EXOC4: variants seen among roughly 807,000 people sequenced by gnomAD.
EXOC4 encodes SEC8-like 1.
Under a neutral mutation model 107.2 loss-of-function variants are expected in EXOC4, and 71 were observed. The observed-to-expected ratio is 0.66, with a 90% CI of 0.55 to 0.81. EXOC4 has a LOEUF of 0.81. EXOC4 is among the 30% of genes least tolerant of loss of function. EXOC4 has a pLI of 0.00. For synonymous variants in EXOC4, 456 were observed against 441.2 expected (o/e 1.03, Z -0.42); for missense variants, 1,108 against 1,189.6 (o/e 0.93, Z 1.01).
At chr7:133,376,629 A>G (rs938927484) in intron 7 of EXOC4, among the ~76,000 whole-genome samples, 1 of 152,232 alleles carries the variant, frequency 6.6e-6, no homozygotes, top group Admixed American at 6.5e-5. Flanking sequence ...TGTGTACACC[A>G]CAAGGCTTGG....
At chr7:133,970,052 G>A (rs952794704) in intron 14 of EXOC4, among the ~76,000 whole-genome samples, 12 of 152,208 alleles carry the variant, frequency 7.9e-5, no homozygotes. Context: ...CCAGGGAGGA[G>A]GAATCTAGAG....
intron 2 of EXOC4, among the ~76,000 whole-genome samples, chr7:133,275,738 AT>A (rs1793974547): frequency 6.6e-6 from 1 of 152,032 alleles, no homozygotes; most frequent in Non-Finnish European, 1.5e-5. Context: ...CATTCTTGGT[AT>A]TTTTTGTGAA....
chr7:133,826,912 G>A (rs949219518), intron 11 of EXOC4, among the ~76,000 whole-genome samples: 1 of 152,086 alleles, frequency 6.6e-6, no homozygotes, highest in South Asian at 2.1e-4. Flanking sequence ...TTCTATATTT[G>A]TTTTATAGCA....
chr7:134,043,051 T>C (rs1426825975), intron 17 of EXOC4, among the ~76,000 whole-genome samples: 1 of 152,112 alleles, frequency 6.6e-6, no homozygotes, highest in East Asian at 1.9e-4. Flanking sequence ...AATCAGTCAA[T>C]CAATCAATAT....
At chr7:133,685,654 A>G (rs1436798098) in intron 10 of EXOC4, among the ~76,000 whole-genome samples, 2 of 152,200 alleles carry the variant, frequency 1.3e-5, no homozygotes, top group East Asian at 1.9e-4. Flanking sequence ...AAAAGTAGTA[A>G]AAGATTAAGA....
chr7:133,748,983 C>T (rs1453956510), intron 10 of EXOC4, among the ~76,000 whole-genome samples: 1 of 152,168 alleles, frequency 6.6e-6, no homozygotes, highest in Non-Finnish European at 1.5e-5. Context: ...AGATAGCAGC[C>T]TCAGACTGCA....
intron 9 of EXOC4, among the ~76,000 whole-genome samples, chr7:133,541,094 T>A (rs1800370851): frequency 6.6e-6 from 1 of 152,212 alleles, no homozygotes; most frequent in Admixed American, 6.5e-5. Flanking sequence ...TTTGAGTTAT[T>A]TGTAATATAG....
At chr7:133,592,401 C>T (rs1801570343) in intron 9 of EXOC4, among the ~76,000 whole-genome samples, 1 of 151,488 alleles carries the variant, frequency 6.6e-6, no homozygotes, top group Admixed American at 6.6e-5. Flanking sequence ...TCTGGAGAGT[C>T]CTAGAAAGAT....
rs574079725 is a variant in EXOC4, at chr7:134,026,738, G to A, written c.2687+18903G>A. On this transcript the variant is annotated intron_variant, in intron 17 of 17. Coordinates refer to ENST00000253861, the MANE Select transcript of EXOC4 (RefSeq NM_021807.4). ...GCTGGAACATTATTCAAAGTGGGTTGAAATCGTTAGAGAAAATGTTGTAGA... is the reference window on the plus strand; with the variant it reads ...GCTGGAACATTATTCAAAGTGGGTTAAAATCGTTAGAGAAAATGTTGTAGA... Among the ~76,000 whole-genome samples the A allele has an allele frequency of 3.9e-5, 6 of 152,266 alleles. No homozygotes were observed. The South Asian group carries it at 1.2e-3, about 32-fold the overall frequency.
At chr7:133,775,451 A>G (rs1267833388) in intron 10 of EXOC4, among the ~76,000 whole-genome samples, 1 of 152,228 alleles carries the variant, frequency 6.6e-6, no homozygotes, top group Non-Finnish European at 1.5e-5. Context: ...ATCTGGGTAC[A>G]CAATGTAGCT....
At chr7:133,681,608 C>T (rs1367316299) in intron 10 of EXOC4, among the ~76,000 whole-genome samples, 1 of 152,124 alleles carries the variant, frequency 6.6e-6, no homozygotes, top group Non-Finnish European at 1.5e-5. Flanking sequence ...TTTGTAACAC[C>T]ATGATTCAAT....
chr7:133,811,837 ATTACATGCCAGAT>A (rs1797238862), intron 10 of EXOC4, among the ~76,000 whole-genome samples: 1 of 152,264 alleles, frequency 6.6e-6, no homozygotes, highest in Admixed American at 6.5e-5. Flanking sequence ...GGAGAAGGGC[ATTACATGCCAGAT>A]AGATTATGTC....
chr7:133,674,767 T>G (rs1025857540), intron 10 of EXOC4, among the ~76,000 whole-genome samples: 2 of 152,210 alleles, frequency 1.3e-5, no homozygotes, highest in Admixed American at 1.3e-4. Flanking sequence ...TGTACTATAA[T>G]AAATAATAGG....
intron 17 of EXOC4, among the ~76,000 whole-genome samples, chr7:134,052,746 T>G (rs1795826669): frequency 6.6e-6 from 1 of 152,180 alleles, no homozygotes; most frequent in South Asian, 2.1e-4. Context: ...GTTCAGAAAT[T>G]TCCAGTCATG....
intron 3 of EXOC4, among the ~76,000 whole-genome samples, chr7:133,291,243 T>C (rs909901394): frequency 6.6e-6 from 1 of 152,116 alleles, no homozygotes; most frequent in Non-Finnish European, 1.5e-5. Context: ...ATTCTAGATA[T>C]TAATTCTTCT....
In EXOC4 at chr7:133,523,352, C is replaced by T. The variant is rs555338308; in HGVS notation, c.1417+43214C>T. Among the ~76,000 whole-genome samples, 114 of 152,064 alleles carry T rather than the reference C, an allele frequency of 7.5e-4. 1 individual carries two copies. The highest frequency in any genetic ancestry group is 3.4e-3 in the Middle Eastern group (1 of 292). ...CATGTAACATTGAAGTCATAGTTCA[C>T]TGCCATGTTTTTCCAAAGTATGTTC... On this transcript the variant is annotated intron_variant, in intron 9 of 17. Transcript: ENST00000253861.
intron 11 of EXOC4, among the ~76,000 whole-genome samples, chr7:133,881,415 A>G (rs931470430): frequency 6.6e-6 from 1 of 151,928 alleles, no homozygotes; most frequent in Non-Finnish European, 1.5e-5. Flanking sequence ...AATTGCAATT[A>G]TTTATCTTGC....
At chr7:133,369,070 G>A (rs1343845789) in intron 6 of EXOC4, among the ~76,000 whole-genome samples, 2 of 152,164 alleles carry the variant, frequency 1.3e-5, no homozygotes, top group African/African-American at 4.8e-5. Flanking sequence ...GGGGCATTGT[G>A]TTTTCATCCT....
At chr7:133,301,906 T>C (rs1794649696) in intron 3 of EXOC4, among the ~76,000 whole-genome samples, 1 of 152,226 alleles carries the variant, frequency 6.6e-6, no homozygotes, top group Non-Finnish European at 1.5e-5. Flanking sequence ...TAGATCTTTT[T>C]ACATGATAAG....
Sources: gnomAD v4.1 joint callset for allele counts (sites outside exome capture counted in the v4.1 genomes callset) on GRCh38, gnomAD v4.1.1 for gene constraint, MANE v1.5 for transcripts, NCBI Gene and HGNC (gene_info 2026-07-23, HGNC 2026-07-21) for gene names.